Variants in HTR1E observed in about 807,000 individuals in gnomAD.
HTR1E encodes 5-HT-1E.
HTR1E carries 3 observed loss-of-function variants against 3.4 expected under a neutral mutation model. The observed-to-expected ratio is 0.89, with a 90% CI of 0.41 to 2.31. The LOEUF (loss-of-function observed/expected upper bound fraction) is 2.31. HTR1E is among the 30% of genes most tolerant of loss of function. The pLI, the probability that HTR1E is intolerant of heterozygous loss-of-function variation, is 0.05. For missense variants in HTR1E, 392 were observed against 467.0 expected (o/e 0.84, Z 1.48); for synonymous variants, 170 against 182.8 (o/e 0.93, Z 0.56).
chr6:86,958,542 G>A (rs1180209352), intron 1 of HTR1E, among the ~76,000 whole-genome samples: 1 of 152,152 alleles, frequency 6.6e-6, no homozygotes, highest in African/African-American at 2.4e-5. Flanking sequence ...TATGAGGGCA[G>A]GAGTCTCATC....
chr6:86,946,582 G>A (rs1328336743), intron 1 of HTR1E, among the ~76,000 whole-genome samples: 1 of 152,128 alleles, frequency 6.6e-6, no homozygotes, highest in Non-Finnish European at 1.5e-5. Context: ...TGAGATGATG[G>A]TCATAATGAC....
At chr6:86,948,140 T>A (rs1249554331) in intron 1 of HTR1E, among the ~76,000 whole-genome samples, 1 of 152,184 alleles carries the variant, frequency 6.6e-6, no homozygotes, top group Non-Finnish European at 1.5e-5. Flanking sequence ...GGTGTTTGGT[T>A]TTCTGTTCCT....
At chr6:86,989,444 T>C (rs1454969517) in intron 1 of HTR1E, among the ~76,000 whole-genome samples, 1 of 152,168 alleles carries the variant, frequency 6.6e-6, no homozygotes, top group East Asian at 1.9e-4. Flanking sequence ...TAGGTGGTTG[T>C]TGGAAGAAAA....
At chr6:87,014,078 G>A (rs1768279100) in intron 1 of HTR1E, among the ~76,000 whole-genome samples, 1 of 152,042 alleles carries the variant, frequency 6.6e-6, no homozygotes, top group Admixed American at 6.6e-5. Flanking sequence ...CCTGGACACA[G>A]GGCAGGGAAC....
At chr6:86,942,207 C>T (rs1245475950) in intron 1 of HTR1E, among the ~76,000 whole-genome samples, 1 of 152,138 alleles carries the variant, frequency 6.6e-6, no homozygotes, top group East Asian at 1.9e-4. Flanking sequence ...GGAAGAAGAA[C>T]CTACAGAAAA....
In HTR1E at chr6:86,947,525, T is replaced by TA. The variant is rs975187255; in HGVS notation, c.-186+9708dup. ...GAAAATTTGGAAATGCAGAAAAGTA[T>TA]AAAAAATGTAGTTAAAGTTACTCTT... On this transcript the variant is annotated intron_variant, in intron 1 of 1. Transcript: ENST00000305344. 1.1e-3 allele frequency among the ~76,000 whole-genome samples: 162 copies of TA among 152,210 alleles called. 1 individual carries two copies. The highest frequency in any genetic ancestry group is 3.4e-3 in the Middle Eastern group (1 of 294).
At chr6:86,977,953 C>T (rs1482654316) in intron 1 of HTR1E, among the ~76,000 whole-genome samples, 5 of 151,944 alleles carry the variant, frequency 3.3e-5, no homozygotes, top group Non-Finnish European at 7.4e-5. Flanking sequence ...TTATCAGATG[C>T]GTAATTTACA....
intron 1 of HTR1E, among the ~76,000 whole-genome samples, chr6:86,991,053 A>C (rs879846456): frequency 6.6e-5 from 10 of 152,170 alleles, no homozygotes; most frequent in Non-Finnish European, 1.0e-4. Context: ...GATACTCTTC[A>C]CCAAAACTTA....
chr6:86,998,303 TATC>T (rs1340208119), intron 1 of HTR1E, among the ~76,000 whole-genome samples: 2 of 152,046 alleles, frequency 1.3e-5, no homozygotes, highest in Non-Finnish European at 2.9e-5. Flanking sequence ...ATAAGCATAA[TATC>T]ACCAAGATAG....
chr6:86,958,760 A>T (rs988117644), intron 1 of HTR1E, among the ~76,000 whole-genome samples: 2 of 152,202 alleles, frequency 1.3e-5, no homozygotes, highest in Non-Finnish European at 2.9e-5. Flanking sequence ...ACTATTTCTT[A>T]TTTGTTAGAG....
chr6:86,995,292 TAATAAATA>T (rs71014980), intron 1 of HTR1E, among the ~76,000 whole-genome samples: 147 of 144,134 alleles, frequency 1.0e-3, no homozygotes, highest in African/African-American at 2.7e-3. Flanking sequence ...CTCTATAATA[TAATAAATA>T]AATAAATAAA....
At chr6:86,999,876 G>A (rs1319375592) in intron 1 of HTR1E, among the ~76,000 whole-genome samples, 1 of 152,106 alleles carries the variant, frequency 6.6e-6, no homozygotes, top group Non-Finnish European at 1.5e-5. Context: ...GCTCCCTGGT[G>A]AGGTGCTACT....
At chr6:86,957,121 A>G (rs897142688) in intron 1 of HTR1E, among the ~76,000 whole-genome samples, 2 of 152,224 alleles carry the variant, frequency 1.3e-5, no homozygotes, top group African/African-American at 4.8e-5. Flanking sequence ...TGGCACTCAA[A>G]CAGCTTAGTA....
At chr6:87,013,734 T>C (rs1768273714) in intron 1 of HTR1E, among the ~76,000 whole-genome samples, 2 of 151,578 alleles carry the variant, frequency 1.3e-5, no homozygotes, top group South Asian at 4.2e-4. Flanking sequence ...TTAATTGGGG[T>C]GGCAAAGTAC....
chr6:87,016,414 A>G lies in HTR1E; in HGVS notation c.1080A>G (p.Arg360=). ...DFKLAFKKLI[R]CREHT is the part of the protein sequence containing the mutation. ...AGCTGGCTTTTAAAAAGCTCATTAGATGCCGAGAGCATACTTAGACTGTAA... is the reference window on the plus strand; with the variant it reads ...AGCTGGCTTTTAAAAAGCTCATTAGGTGCCGAGAGCATACTTAGACTGTAA... The change falls in exon 2 of 2, where the codon AGA becomes AGG. Residue 360 remains arginine (R), a synonymous_variant. Coordinates refer to ENST00000305344, the MANE Select transcript of HTR1E (RefSeq NM_000865.3). 2 of 1,602,682 alleles carry G rather than the reference A, an allele frequency of 1.2e-6. No homozygotes were observed. Among genetic ancestry groups the G allele is most frequent in the Non-Finnish European group, 1.7e-6 (2 of 1,171,722 alleles).
In HTR1E at chr6:87,010,290, C is replaced by T. The variant is rs1426866999; in HGVS notation, c.-185-4860C>T. Among the ~76,000 whole-genome samples, 298 of 110,098 alleles carry T rather than the reference C, an allele frequency of 2.7e-3. 9 individuals are homozygous for T. Among genetic ancestry groups the T allele is most frequent in the African/African-American group, 0.011 (267 of 24,512 alleles). The allele number at this position is 110,098 out of a possible 152,430, so 72.2% of individuals were successfully genotyped here. On this transcript the variant is annotated intron_variant, in intron 1 of 1. Transcript: ENST00000305344. Reference sequence around the variant, plus strand: ...GCAGAGGTGCCCCTCACCTCCCGGACGGGGCGGCTGGCCGGGCGGGGGGGC... The same window carrying T: ...GCAGAGGTGCCCCTCACCTCCCGGATGGGGCGGCTGGCCGGGCGGGGGGGC...
intron 1 of HTR1E, among the ~76,000 whole-genome samples, chr6:86,982,911 C>G (rs1201842969): frequency 2.0e-5 from 3 of 152,122 alleles, no homozygotes; most frequent in East Asian, 3.9e-4. Context: ...TCTATGTTAT[C>G]TGATTAAAGA....
chr6:86,946,738 T>C (rs1250830313), intron 1 of HTR1E, among the ~76,000 whole-genome samples: 1 of 152,192 alleles, frequency 6.6e-6, no homozygotes, highest in Non-Finnish European at 1.5e-5. Context: ...CTTTATATGG[T>C]TTAATCTTAT....
intron 1 of HTR1E, among the ~76,000 whole-genome samples, chr6:87,013,854 A>G (rs1158600935): frequency 2.6e-5 from 4 of 152,208 alleles, no homozygotes; most frequent in African/African-American, 9.7e-5. Flanking sequence ...CCACTTCTCA[A>G]AAGAAAACAT....
Sources: gnomAD v4.1 joint callset for allele counts (sites outside exome capture counted in the v4.1 genomes callset) on GRCh38, gnomAD v4.1.1 for gene constraint, MANE v1.5 for transcripts, NCBI Gene and HGNC (gene_info 2026-07-23, HGNC 2026-07-21) for gene names.